Variants in DPYSL3 observed in about 807,000 individuals in gnomAD.
DPYSL3 encodes the protein dihydropyrimidinase like 3, also known as dihydropyrimidinase-related protein 3.
Under a neutral mutation model 66.1 loss-of-function variants are expected in DPYSL3, and 16 were observed. The observed-to-expected ratio is 0.24, with a 90% confidence interval of 0.16 to 0.37. The LOEUF is 0.37. Among genes scored for constraint, DPYSL3 ranks in the 10% least tolerant of loss-of-function variants. The probability of loss-of-function intolerance (pLI) is 1.00; values close to 1 mark genes in which losing one functional copy is unlikely to be tolerated. For missense variants in DPYSL3, 738 were observed against 916.2 expected (o/e 0.81, Z 2.51); for synonymous variants, 338 against 345.1 (o/e 0.98, Z 0.23).
chr5:147,434,179 T>C (rs1384155948), intron 1 of DPYSL3, among the ~76,000 whole-genome samples: 2 of 152,238 alleles, frequency 1.3e-5, no homozygotes, highest in Non-Finnish European at 2.9e-5. Flanking sequence ...AGGCAGCTAT[T>C]ACCATTTTAT....
intron 1 of DPYSL3, among the ~76,000 whole-genome samples, chr5:147,474,607 G>A (rs538591406): frequency 1.0e-3 from 157 of 152,142 alleles, no homozygotes; most frequent in African/African-American, 3.7e-3. Flanking sequence ...TGTTTATTAT[G>A]AATTGGAGGT....
chr5:147,481,269 C>A (rs1329673283), intron 1 of DPYSL3, among the ~76,000 whole-genome samples: 1 of 152,144 alleles, frequency 6.6e-6, no homozygotes, highest in East Asian at 1.9e-4. Context: ...AATCTACCTA[C>A]CTCATAGGGC....
At chr5:147,461,865 T>C (rs1314022034) in intron 1 of DPYSL3, among the ~76,000 whole-genome samples, 1 of 152,122 alleles carries the variant, frequency 6.6e-6, no homozygotes, top group Non-Finnish European at 1.5e-5. Flanking sequence ...AACTTCCACG[T>C]TGGTTTCTTA....
chr5:147,407,662 C>T (rs903199716), intron 7 of DPYSL3, among the ~76,000 whole-genome samples: 7 of 152,108 alleles, frequency 4.6e-5, no homozygotes, highest in African/African-American at 1.4e-4. Flanking sequence ...ACTGAGATAA[C>T]GTATGCAATC....
chr5:147,395,949 G>T (rs553524984), intron 12 of DPYSL3, among the ~76,000 whole-genome samples: 1 of 152,218 alleles, frequency 6.6e-6, no homozygotes, highest in South Asian at 2.1e-4. Context: ...GATGAGCTTC[G>T]ATCAGAAGGA....
At position 147,405,669 on chromosome 5, in the gene DPYSL3, T is replaced by C. The variant is rs747180872; in HGVS notation, c.1094A>G (p.Tyr365Cys). 2.2e-5 allele frequency: 35 copies of C among 1,613,962 alleles called. No homozygotes were observed. Among genetic ancestry groups the C allele is most frequent in the South Asian group, 3.3e-5 (3 of 91,070 alleles). The change falls in exon 8 of 14, where the codon TAC becomes TGC. Residue 365 changes from tyrosine (Y) to cysteine (C), a missense_variant. By Grantham distance (194) the Tyr-to-Cys change is radical (BLOSUM62 -2). Coordinates refer to ENST00000343218, the MANE Select transcript of DPYSL3 (RefSeq NM_001197294.2). ...TIASQTNCPL[Y>C]VTKVMSKSAA... ...ACTCTTGCTCATGACCTTTGTGACGTAGAGAGGGCAATTGGTTTGGCTGGC... is the reference window on the plus strand; with the variant it reads ...ACTCTTGCTCATGACCTTTGTGACGCAGAGAGGGCAATTGGTTTGGCTGGC...
intron 1 of DPYSL3, among the ~76,000 whole-genome samples, chr5:147,434,707 A>C (rs1244452683): frequency 6.6e-6 from 1 of 150,654 alleles, no homozygotes; most frequent in Non-Finnish European, 1.5e-5. Context: ...CTATAGAAAG[A>C]CAGTAAAATG....
At chr5:147,448,932 G>C (rs1359064047) in intron 1 of DPYSL3, among the ~76,000 whole-genome samples, 3 of 152,192 alleles carry the variant, frequency 2.0e-5, no homozygotes, top group African/African-American at 4.8e-5. Context: ...AGATATCTAA[G>C]ATGCTTTCCA....
At chr5:147,473,528 C>G (rs1753112953) in intron 1 of DPYSL3, among the ~76,000 whole-genome samples, 1 of 152,136 alleles carries the variant, frequency 6.6e-6, no homozygotes, top group Non-Finnish European at 1.5e-5. Flanking sequence ...GGTGAATAAA[C>G]TTGAGAAATG....
chr5:147,397,565 A>T, intron 12 of DPYSL3, 101 bp downstream of exon 12: 1 of 1,229,894 alleles, frequency 8.1e-7, no homozygotes, highest in Non-Finnish European at 1.1e-6. Flanking sequence ...TTTCTCTGTG[A>T]GAGTCTAGAG....
intron 1 of DPYSL3, among the ~76,000 whole-genome samples, chr5:147,430,536 A>G (rs1436650898): frequency 1.3e-5 from 2 of 151,014 alleles, no homozygotes; most frequent in Non-Finnish European, 3.0e-5. Flanking sequence ...AAAAAAAAGG[A>G]AAAAGAAAAA....
At chr5:147,427,748 A>T (rs1311908170) in intron 1 of DPYSL3, among the ~76,000 whole-genome samples, 1 of 152,116 alleles carries the variant, frequency 6.6e-6, no homozygotes, top group East Asian at 1.9e-4. Context: ...CCCACCCCAC[A>T]GTTCTATGTG....
chr5:147,493,720 C>T (rs889183219), intron 1 of DPYSL3, among the ~76,000 whole-genome samples: 1 of 152,200 alleles, frequency 6.6e-6, no homozygotes, highest in Non-Finnish European at 1.5e-5. Flanking sequence ...GCAGATTACA[C>T]ATTTTTCTGA....
chr5:147,394,201 G>A, intron 13 of DPYSL3, 78 bp from the exon 14 acceptor site: 1 of 1,470,958 alleles, frequency 6.8e-7, no homozygotes, highest in Non-Finnish European at 9.4e-7. Flanking sequence ...GAGAGAAACT[G>A]GGTTAATTTT....
At chr5:147,462,465 T>C (rs1233924190) in intron 1 of DPYSL3, among the ~76,000 whole-genome samples, 1 of 152,146 alleles carries the variant, frequency 6.6e-6, no homozygotes, top group Non-Finnish European at 1.5e-5. Context: ...TGAACTCTTA[T>C]CTACAAAATG....
At chr5:147,437,326 G>C (rs1752430836) in intron 1 of DPYSL3, among the ~76,000 whole-genome samples, 2 of 152,188 alleles carry the variant, frequency 1.3e-5, no homozygotes, top group African/African-American at 4.8e-5. Flanking sequence ...AACTCCCAGA[G>C]GAGGAATGCG....
chr5:147,447,073 C>T (rs1294626590), intron 1 of DPYSL3, among the ~76,000 whole-genome samples: 1 of 152,180 alleles, frequency 6.6e-6, no homozygotes, highest in East Asian at 1.9e-4. Flanking sequence ...GAGCCTCTCT[C>T]CAGAATGCAA....
At chr5:147,499,007 C>T (rs1229581249) in intron 1 of DPYSL3, among the ~76,000 whole-genome samples, 1 of 152,086 alleles carries the variant, frequency 6.6e-6, no homozygotes, top group Non-Finnish European at 1.5e-5. Context: ...GTGCCTATGA[C>T]CTAAATGGTA....
intron 1 of DPYSL3, among the ~76,000 whole-genome samples, chr5:147,501,704 C>A (rs1046486935): frequency 4.6e-5 from 7 of 152,004 alleles, no homozygotes; most frequent in African/African-American, 1.2e-4. Flanking sequence ...GTCTCGAACT[C>A]CTGACCTGAG....
Sources: gnomAD v4.1 joint callset for allele counts (sites outside exome capture counted in the v4.1 genomes callset) on GRCh38, gnomAD v4.1.1 for gene constraint, MANE v1.5 for transcripts, NCBI Gene and HGNC (gene_info 2026-07-23, HGNC 2026-07-21) for gene names.